NLRP11: variants seen among roughly 807,000 people sequenced by gnomAD.
The protein encoded by NLRP11 is NACHT, LRR and PYD domains-containing protein 11.
A neutral mutation model predicts 79.3 loss-of-function variants in NLRP11; 53 were observed. The ratio of observed to expected loss-of-function variants is 0.67; its 90% confidence interval spans 0.54 to 0.84. The LOEUF (loss-of-function observed/expected upper bound fraction) is 0.84. NLRP11 is among the 40% of genes least tolerant of loss of function. The pLI is 0.00. For synonymous variants in NLRP11, 518 were observed against 462.6 expected, an observed-to-expected ratio of 1.12 and a Z score of -1.54; for missense variants, 1,264 against 1,255.0, an observed-to-expected ratio of 1.01 and a Z score of -0.11.
At chr19:55,794,620 C>T (rs138318214) in intron 6 of NLRP11, among the ~76,000 whole-genome samples, 6,311 of 152,084 alleles carry the variant, frequency 0.041, 399 homozygotes, top group African/African-American at 0.14. Context: ...ATTAGCCAGG[C>T]GTGGTGGCGG....
At chr19:55,810,559 C>T (rs1372397467) in intron 2 of NLRP11, among the ~76,000 whole-genome samples, 1 of 152,158 alleles carries the variant, frequency 6.6e-6, no homozygotes, top group South Asian at 2.1e-4. Flanking sequence ...TGCAGTGGCA[C>T]GAACTGGGCT....
intron 1 of NLRP11, among the ~76,000 whole-genome samples, chr19:55,830,541 G>A (rs770568254): frequency 6.9e-6 from 1 of 145,428 alleles, no homozygotes; most frequent in Non-Finnish European, 1.5e-5. Context: ...CTGTGACATA[G>A]GATCATTCAA....
In NLRP11 at chr19:55,809,664, G is replaced by C; in HGVS notation, c.946C>G (p.Arg316Gly). 3.1e-6 allele frequency: 5 copies of C among 1,614,098 alleles called. No homozygotes were observed. The highest frequency in any genetic ancestry group is 4.2e-6 in the Non-Finnish European group (5 of 1,180,016). The change falls in exon 3 of 10, where the codon CGC becomes GGC. Residue 316 changes from arginine (R) to glycine (G), a missense_variant. Arg to Gly is a moderately radical substitution (Grantham distance 125). Coordinates refer to ENST00000589093, the Ensembl canonical transcript of NLRP11. This position sits in a 1 kb window ranked among gnomAD's most constrained non-coding sequence, Gnocchi z 4.5. The stretch of plus-strand genomic sequence containing the variant: ...TGGAGGGCTGCCGACGCCCTCTGGC[G>C]GTCTTTAAAGAAAGAGTTAAAATAT...
At chr19:55,815,206 A>G (rs1421056060) in intron 2 of NLRP11, among the ~76,000 whole-genome samples, 1 of 152,212 alleles carries the variant, frequency 6.6e-6, no homozygotes, top group Non-Finnish European at 1.5e-5. Flanking sequence ...TTAAGCTTTT[A>G]AACTTTAAGG....
At chr19:55,797,255 T>C (rs1210034830) in intron 5 of NLRP11, among the ~76,000 whole-genome samples, 1 of 152,020 alleles carries the variant, frequency 6.6e-6, no homozygotes, top group Non-Finnish European at 1.5e-5. Context: ...GCTATGATCA[T>C]ACCAATGCAC....
chr19:55,816,211 A>C (rs1300445129), intron 2 of NLRP11, among the ~76,000 whole-genome samples: 1 of 152,222 alleles, frequency 6.6e-6, no homozygotes, highest in African/African-American at 2.4e-5. Flanking sequence ...ATGCCATTGG[A>C]AGCCAAAGAA....
At chr19:55,797,104 T>C (rs977435590) in intron 5 of NLRP11, among the ~76,000 whole-genome samples, 4 of 152,174 alleles carry the variant, frequency 2.6e-5, no homozygotes, top group Admixed American at 2.6e-4. Context: ...ACTTAGTGAT[T>C]TTCCCCATGG....
At chr19:55,786,882 G>A (rs1436786375) in intron 9 of NLRP11, among the ~76,000 whole-genome samples, 1 of 152,188 alleles carries the variant, frequency 6.6e-6, no homozygotes, top group East Asian at 1.9e-4. Flanking sequence ...AATTTGTAAT[G>A]TTTATGGGTT....
chr19:55,830,777 T>TATA (rs1330204541), intron 1 of NLRP11, among the ~76,000 whole-genome samples: 3 of 152,164 alleles, frequency 2.0e-5, no homozygotes, highest in African/African-American at 7.2e-5. Flanking sequence ...CCAACTGAAC[T>TATA]ATGAGGTGAT....
chr19:55,836,514 C>T (rs763634580), upstream of NLRP11: 1 of 152,270 alleles, frequency 6.6e-6, no homozygotes, highest in Non-Finnish European at 1.5e-5. Flanking sequence ...CGGATCTTTT[C>T]TTCCCGCTTC....
At chr19:55,800,720 C>T (rs930651144) in intron 5 of NLRP11, among the ~76,000 whole-genome samples, 21 of 152,080 alleles carry the variant, frequency 1.4e-4, no homozygotes, top group African/African-American at 3.1e-4. Context: ...GAAATCAATA[C>T]GGAGGTCAAA....
chr19:55,797,758 G>C (rs1284519850), intron 5 of NLRP11, among the ~76,000 whole-genome samples: 2 of 152,140 alleles, frequency 1.3e-5, no homozygotes, highest in African/African-American at 4.8e-5. Flanking sequence ...CAGAAGCTCT[G>C]ACTTAAATAA....
chr19:55,810,515 A>C (rs948881549), intron 2 of NLRP11, among the ~76,000 whole-genome samples, 177 bp from the exon 3 acceptor site: 12 of 152,142 alleles, frequency 7.9e-5, no homozygotes, highest in African/African-American at 2.9e-4. Flanking sequence ...CTTGTTTTTG[A>C]GATGGAGTTT....
At chr19:55,822,731 A>C (rs1981887322) in intron 1 of NLRP11, among the ~76,000 whole-genome samples, 2 of 152,058 alleles carry the variant, frequency 1.3e-5, no homozygotes, top group African/African-American at 4.8e-5. Flanking sequence ...GCACCATGAG[A>C]CTATATCCCA....
intron 7 of NLRP11, among the ~76,000 whole-genome samples, chr19:55,790,228 G>A (rs1990154093): frequency 6.6e-6 from 1 of 152,182 alleles, no homozygotes; most frequent in Non-Finnish European, 1.5e-5. Flanking sequence ...TTCCATAGCA[G>A]TTTTTACTGC....
exon 3 of NLRP11, chr19:55,810,047 G>A: frequency 6.2e-7 from 1 of 1,614,114 alleles, no homozygotes; most frequent in Non-Finnish European, 8.5e-7. Flanking sequence ...TATTTCGTGA[G>A]CAGTGAGGTG....
intron 6 of NLRP11, among the ~76,000 whole-genome samples, chr19:55,793,077 A>C (rs1223083917): frequency 6.6e-6 from 1 of 152,066 alleles, no homozygotes; most frequent in East Asian, 1.9e-4. Context: ...TGGGGGTCTC[A>C]CTGTGTTGCC....
chr19:55,820,348 A>G (rs1032191397), intron 1 of NLRP11, among the ~76,000 whole-genome samples: 3 of 152,114 alleles, frequency 2.0e-5, no homozygotes, highest in Admixed American at 6.5e-5. Flanking sequence ...ATCATATACA[A>G]TTTTAGGGCA....
intron 1 of NLRP11, among the ~76,000 whole-genome samples, chr19:55,830,469 A>G (rs1600208648): frequency 6.6e-6 from 1 of 152,104 alleles, no homozygotes; most frequent in East Asian, 1.9e-4. Context: ...GTGGTTTGGT[A>G]ATAATGCACC....
Sources: allele counts gnomAD v4.1 joint callset (sites outside exome capture counted in the v4.1 genomes callset), GRCh38; gene constraint gnomAD v4.1.1; non-coding constraint Gnocchi (gnomAD v3.1); transcripts MANE v1.5; gene names NCBI Gene and HGNC (gene_info 2026-07-23, HGNC 2026-07-21).